Variants in LRRC46 observed in about 807,000 individuals in gnomAD.
LRRC46 encodes the protein leucine-rich repeat-containing protein 46.
Under a neutral mutation model 28.0 loss-of-function variants are expected in LRRC46, and 20 were observed. The ratio of observed to expected loss-of-function variants is 0.71; its 90% confidence interval spans 0.50 to 1.04. The LOEUF (loss-of-function observed/expected upper bound fraction) is 1.04, where lower values mean the gene tolerates loss of function less well. LRRC46 is among the 50% of genes least tolerant of loss of function. The probability of loss-of-function intolerance (pLI) is 0.00; values close to 1 mark genes in which losing one functional copy is unlikely to be tolerated. For missense variants in LRRC46, 315 were observed against 390.1 expected (o/e 0.81, Z 1.62); for synonymous variants, 156 against 158.8 (o/e 0.98, Z 0.13).
At chr17:47,832,305 T>G in intron 2 of LRRC46, 100 bp downstream of exon 2, 1 of 799,104 alleles carries the variant, frequency 1.3e-6, no homozygotes, top group Non-Finnish European at 1.9e-6. Flanking sequence ...TTTGTTTCTC[T>G]CCTTACTCCA....
intron 2 of LRRC46, chr17:47,833,839 C>T: frequency 8.4e-6 from 6 of 717,422 alleles, no homozygotes; most frequent in Non-Finnish European, 1.0e-5. Flanking sequence ...CAGCCTCGAC[C>T]TCCTGGGCTC....
chr17:47,834,288 T>C lies in LRRC46; in HGVS notation c.117-137T>C, dbSNP rs939267186. On this transcript the variant is annotated intron_variant, in intron 2 of 7. Coordinates refer to ENST00000269025, the MANE Select transcript of LRRC46 (RefSeq NM_033413.4). The stretch of plus-strand genomic sequence containing the variant: ...TAGACACCACCTCAAGATGTCAAGA[T>C]GTTTCTCACATCTGATTAAAATGAC... 4 of 784,178 alleles carry C rather than the reference T, an allele frequency of 5.1e-6. No individual in the cohort carries two copies. The African/African-American group carries it at 7.0e-5, about 14-fold the overall frequency. The allele number at this position is 784,178 out of a possible 1,614,324, so 48.6% of individuals were successfully genotyped here. A position where few individuals can be genotyped will look rare whatever the true frequency, so the allele number is the denominator to read the frequency against.
chr17:47,833,574 G>A (rs56156511), intron 2 of LRRC46, among the ~76,000 whole-genome samples: 40,117 of 150,232 alleles, frequency 0.27, 6,815 homozygotes, highest in Non-Finnish European at 0.38. Flanking sequence ...TCAGCCTCCC[G>A]AGTAGCTGGG....
In LRRC46 at chr17:47,835,611, C is replaced by A. The variant is rs1598045151; in HGVS notation, c.273-55C>A. 11 of 1,566,766 alleles carry A rather than the reference C, an allele frequency of 7.0e-6. No individual in the cohort carries two copies. The East Asian group carries it at 2.5e-4, about 35-fold the overall frequency. On this transcript the variant is annotated intron_variant, in intron 4 of 7. Transcript: ENST00000269025. ...CCGGTGTCAGGTGCCCTCCTCTTTTCTTCCAGCTGTTCCATGATTCAGCTC... is the reference window on the plus strand; with the variant it reads ...CCGGTGTCAGGTGCCCTCCTCTTTTATTCCAGCTGTTCCATGATTCAGCTC...
chr17:47,835,157 C>T (rs531471959), intron 3 of LRRC46, 196 bp from the exon 4 acceptor site: 13 of 668,904 alleles, frequency 1.9e-5, no homozygotes, highest in Non-Finnish European at 2.7e-5. Context: ...AGGTTTACAC[C>T]CTTAACCATC....
rs751623313 is a variant in LRRC46, at chr17:47,832,218, G to T, written c.116+13G>T. The T allele has an allele frequency of 3.2e-6, 5 of 1,546,968 alleles. No homozygotes were observed. In the Admixed American group the frequency reaches 9.6e-5, roughly 30 times the overall value. ...TGTCAGAGAAGATGTGAGTGCATGG[G>T]GGAGAAAAGGGGTGCTAGAAGGCTG... On this transcript the variant is annotated intron_variant, in intron 2 of 7. Coordinates refer to ENST00000269025, the MANE Select transcript of LRRC46 (RefSeq NM_033413.4).
rs940952448 is a variant in LRRC46, at chr17:47,835,399, G to A, written c.272G>A (p.Arg91His). 7 of 1,613,996 alleles carry A rather than the reference G, an allele frequency of 4.3e-6. No individual in the cohort carries two copies. Among genetic ancestry groups the A allele is most frequent in the South Asian group, 2.2e-5 (2 of 91,080 alleles). ...AACCTGGCTTGCATCCCCTCCTTGC[G>A]GTATGTGGTGCCAGGGCTCAGGCAG... Reference protein sequence around the residue: ...IENLACIPSLRFLSLAGNQIR... With the variant: ...IENLACIPSLHFLSLAGNQIR... Residue 91 changes from arginine to histidine, a missense_variant and splice_region_variant, in exon 4 of 8, where the codon CGC (arginine) becomes CAC (histidine). By Grantham distance (29) the Arg-to-His change is conservative (BLOSUM62 0). Transcript: ENST00000269025.
chr17:47,832,331 G>GT, intron 2 of LRRC46, 126 bp downstream of exon 2: 2 of 600,112 alleles, frequency 3.3e-6, no homozygotes. Context: ...TCAATCAGTG[G>GT]TAATGCCCAG....
intron 2 of LRRC46, among the ~76,000 whole-genome samples, chr17:47,833,254 G>A (rs913448533): frequency 2.0e-5 from 3 of 151,842 alleles, no homozygotes; most frequent in Admixed American, 2.0e-4. Context: ...TGTGAATTTA[G>A]TGCACAGCCT....
In LRRC46 at chr17:47,835,350, C is replaced by T; in HGVS notation, c.226-3C>T. ...GTTTCCCCACTTCGGTTTCTTCTTG[C>T]AGAATAAGATCCAGCAAATTGAGAA... On this transcript the variant is annotated splice_polypyrimidine_tract_variant and splice_region_variant and intron_variant, in intron 3 of 7. Transcript: ENST00000269025. 6.2e-7 allele frequency: 1 copy of T among 1,614,178 alleles called. No individual in the cohort carries two copies.
chr17:47,837,462 T>C lies in LRRC46; in HGVS notation c.*342T>C, dbSNP rs948850542. The C allele has an allele frequency of 1.8e-5, 7 of 399,998 alleles. No homozygotes were observed. In the Admixed American group the frequency reaches 1.8e-4, roughly 10 times the overall value. The allele number at this position is 399,998 out of a possible 1,614,324, so 24.8% of individuals were successfully genotyped here. On this transcript the variant is annotated 3_prime_UTR_variant, in exon 8 of 8. Transcript: ENST00000269025. ...AGGCATGCCATCTCACTGCCACCCCTAGCGAGTGCCCTTCCCCGGTCCAAG... is the reference window on the plus strand; with the variant it reads ...AGGCATGCCATCTCACTGCCACCCCCAGCGAGTGCCCTTCCCCGGTCCAAG...
At chr17:47,832,911 T>A (rs998145048) in intron 2 of LRRC46, among the ~76,000 whole-genome samples, 36 of 152,284 alleles carry the variant, frequency 2.4e-4, no homozygotes, top group African/African-American at 8.4e-4. Context: ...TCAGCCTTAT[T>A]TCTGGCCACT....
chr17:47,834,372 A>G (rs1296642733), intron 2 of LRRC46, 53 bp from the exon 3 acceptor site: 11 of 1,314,900 alleles, frequency 8.4e-6, no homozygotes, highest in East Asian at 2.4e-5. Context: ...CCTCCCTGCT[A>G]AGAGACCACA....
In LRRC46 at chr17:47,837,430, A is replaced by G; in HGVS notation, c.*310A>G. On this transcript the variant is annotated 3_prime_UTR_variant, in exon 8 of 8. Transcript: ENST00000269025. Reference sequence around the variant, plus strand: ...TTGGGCAGGAAGCGGGCACCACCTCATGGAAGAGGCATGCCATCTCACTGC... The same window carrying G: ...TTGGGCAGGAAGCGGGCACCACCTCGTGGAAGAGGCATGCCATCTCACTGC... 1 of 420,790 alleles carries G rather than the reference A, an allele frequency of 2.4e-6. No homozygotes were observed. The allele number at this position is 420,790 out of a possible 1,614,324, so 26.1% of individuals were successfully genotyped here.
chr17:47,836,901 C>G lies in LRRC46; in HGVS notation c.747C>G (p.Ser249Arg). Residue 249 changes from serine to arginine, a missense_variant, in exon 8 of 8, where the codon AGC becomes AGG. Physicochemically the swap from Ser to Arg is moderately radical, Grantham distance 110. Coordinates refer to ENST00000269025, the MANE Select transcript of LRRC46 (RefSeq NM_033413.4). The surrounding 1 kb of genome is among the most constrained non-coding windows in gnomAD (Gnocchi z 5.8). ...LPGVPMAGDS[S>R]PSATPAQGEE... Reference sequence around the variant, plus strand: ...GGGTGCCCATGGCTGGGGACAGCAGCCCTTCTGCCACTCCTGCGCAAGGGG... The same window carrying G: ...GGGTGCCCATGGCTGGGGACAGCAGGCCTTCTGCCACTCCTGCGCAAGGGG... 2 of 1,613,894 alleles carry G rather than the reference C, an allele frequency of 1.2e-6. No homozygotes were observed. Among genetic ancestry groups the G allele is most frequent in the South Asian group, 1.1e-5 (1 of 91,084 alleles).
chr17:47,831,973 G>C lies in LRRC46; in HGVS notation c.-17G>C. ...GTTCCTCTCCCGCCTCAGACCAGCA[G>C]CCTTTTATTTTAGATCATGTCTGGA... On this transcript the variant is annotated 5_prime_UTR_variant, in exon 1 of 8. Transcript: ENST00000269025. 6.2e-7 allele frequency: 1 copy of C among 1,613,284 alleles called. No homozygotes were observed. The highest frequency in any genetic ancestry group is 1.9e-4 in the Middle Eastern group (1 of 5,372).
At chr17:47,834,000 G>T in intron 2 of LRRC46, 3 of 987,302 alleles carry the variant, frequency 3.0e-6, no homozygotes, top group Non-Finnish European at 2.4e-6. Context: ...TGAATGAATG[G>T]GTGGATGGAA....
chr17:47,836,504 T>G lies in LRRC46; in HGVS notation c.595+29T>G. On this transcript the variant is annotated intron_variant, in intron 7 of 7. Transcript: ENST00000269025. The surrounding 1 kb of genome is among the most constrained non-coding windows in gnomAD (Gnocchi z 5.8). Reference sequence around the variant, plus strand: ...ACCCTGCTTTCCAAGGTTTTCAGCCTCCCCAGAGCCCACCTCTGCCCTGTG... The same window carrying G: ...ACCCTGCTTTCCAAGGTTTTCAGCCGCCCCAGAGCCCACCTCTGCCCTGTG... The G allele has an allele frequency of 6.2e-7, 1 of 1,610,324 alleles. No individual in the cohort carries two copies. Among genetic ancestry groups the G allele is most frequent in the Non-Finnish European group, 8.5e-7 (1 of 1,177,586 alleles).
intron 3 of LRRC46, chr17:47,835,048 TC>T: frequency 2.6e-6 from 1 of 385,286 alleles, no homozygotes. Flanking sequence ...CAAGGCCCTT[TC>T]CGTTTTCCTG....
Sources: gnomAD v4.1 joint callset for allele counts (sites outside exome capture counted in the v4.1 genomes callset) on GRCh38, gnomAD v4.1.1 for gene constraint, Gnocchi (gnomAD v3.1) non-coding constraint, MANE v1.5 for transcripts, NCBI Gene and HGNC (gene_info 2026-07-23, HGNC 2026-07-21) for gene names.